NSUN3: variants seen among roughly 807,000 people sequenced by gnomAD.
NSUN3 encodes NOP2/Sun RNA methyltransferase 3, also known as tRNA (cytosine(34)-C(5))-methyltransferase, mitochondrial.
A neutral mutation model predicts 36.8 loss-of-function variants in NSUN3; 24 were observed. That is an observed-to-expected ratio of 0.65 (90% CI 0.47 to 0.92). NSUN3 has a LOEUF of 0.92. Ranked by LOEUF, NSUN3 falls within the 40% of genes least tolerant of loss-of-function variation. The probability of loss-of-function intolerance (pLI) is 0.00; values close to 1 mark genes in which losing one functional copy is unlikely to be tolerated. For synonymous variants in NSUN3, 146 were observed against 145.2 expected (o/e 1.01, Z -0.04); for missense variants, 381 against 392.8 (o/e 0.97, Z 0.25).
intron 3 of NSUN3, among the ~76,000 whole-genome samples, chr3:94,086,257 C>T (rs2077292439): frequency 6.6e-6 from 1 of 152,166 alleles, no homozygotes; most frequent in South Asian, 2.1e-4. Flanking sequence ...TCAGCCAAAA[C>T]ACTGATGTGT....
intron 5 of NSUN3, among the ~76,000 whole-genome samples, chr3:94,122,472 T>C (rs980625117): frequency 6.6e-6 from 1 of 152,122 alleles, no homozygotes; most frequent in South Asian, 2.1e-4. Context: ...TACTGCCCTA[T>C]CCCAAGGATT....
chr3:94,093,422 T>G (rs931338630), intron 3 of NSUN3, among the ~76,000 whole-genome samples: 6 of 152,206 alleles, frequency 3.9e-5, no homozygotes, highest in Non-Finnish European at 7.3e-5. Context: ...GTTCAGTTAG[T>G]TCTCTAGTAT....
intron 4 of NSUN3, among the ~76,000 whole-genome samples, chr3:94,094,809 C>A (rs568153878): frequency 1.3e-5 from 2 of 152,196 alleles, no homozygotes; most frequent in Admixed American, 1.3e-4. Context: ...CCATCCTAAG[C>A]CCCCAAAAAC....
At chr3:94,093,730 T>A (rs921391698) in intron 3 of NSUN3, among the ~76,000 whole-genome samples, 1 of 152,264 alleles carries the variant, frequency 6.6e-6, no homozygotes. Context: ...GAGTTTCATC[T>A]TCTTGCACCT....
intron 5 of NSUN3, among the ~76,000 whole-genome samples, chr3:94,120,649 T>C (rs1275288682): frequency 6.6e-6 from 1 of 152,346 alleles, no homozygotes; most frequent in South Asian, 2.1e-4. Context: ...TGTATCTGTC[T>C]ACACATTTTG....
At position 94,129,299 on chromosome 3, in the gene NSUN3, A is replaced by G. The variant is rs1024806661; in HGVS notation, c.*2809A>G. ...TGAATAAAGGAAATGTGGTACATAT[A>G]CCTCGTGTAATATTACACAGTGATA... On this transcript the variant is annotated 3_prime_UTR_variant, in exon 6 of 6. Coordinates refer to ENST00000314622, the MANE Select transcript of NSUN3 (RefSeq NM_022072.5). Among the ~76,000 whole-genome samples, 2 of 152,220 alleles carry G rather than the reference A, an allele frequency of 1.3e-5. No homozygotes were observed. Among genetic ancestry groups the G allele is most frequent in the Admixed American group, 6.5e-5 (1 of 15,278 alleles).
intron 3 of NSUN3, among the ~76,000 whole-genome samples, chr3:94,086,498 T>C (rs1338953044): frequency 6.6e-6 from 1 of 152,202 alleles, no homozygotes; most frequent in African/African-American, 2.4e-5. Context: ...TTGGTGTGTA[T>C]CCCCAAGGCA....
chr3:94,118,243 A>G (rs1393501088), intron 5 of NSUN3, among the ~76,000 whole-genome samples: 1 of 152,188 alleles, frequency 6.6e-6, no homozygotes, highest in Non-Finnish European at 1.5e-5. Flanking sequence ...TCAATTTTTT[A>G]AAAAGTACTT....
chr3:94,123,529 T>A (rs958232042), intron 5 of NSUN3, among the ~76,000 whole-genome samples: 2 of 152,190 alleles, frequency 1.3e-5, no homozygotes, highest in Non-Finnish European at 2.9e-5. Flanking sequence ...ACCTCTTTGT[T>A]CTTGAAGTTC....
At chr3:94,100,081 A>C (rs1193707624) in intron 5 of NSUN3, among the ~76,000 whole-genome samples, 3 of 152,242 alleles carry the variant, frequency 2.0e-5, no homozygotes, top group Non-Finnish European at 4.4e-5. Context: ...TACAAAGAGC[A>C]ATTGGAATGC....
chr3:94,086,018 A>T (rs898459927), intron 3 of NSUN3, among the ~76,000 whole-genome samples: 1 of 148,404 alleles, frequency 6.7e-6, no homozygotes, highest in African/African-American at 2.5e-5. Context: ...ATATCAGCTC[A>T]CTCCAACCTC....
chr3:94,103,598 A>G (rs2077374448), intron 5 of NSUN3, among the ~76,000 whole-genome samples: 1 of 151,940 alleles, frequency 6.6e-6, no homozygotes, highest in Non-Finnish European at 1.5e-5. Context: ...CTTGGCTGCT[A>G]TAGTATGTAG....
At chr3:94,083,967 C>T (rs949139192) in intron 2 of NSUN3, 140 bp from the exon 3 acceptor site, 2 of 641,786 alleles carry the variant, frequency 3.1e-6, no homozygotes, top group Admixed American at 2.9e-5. Flanking sequence ...AAGGAAGAGT[C>T]AGGAATACTG....
intron 5 of NSUN3, among the ~76,000 whole-genome samples, chr3:94,098,396 C>T (rs2077351984): frequency 6.6e-6 from 1 of 152,176 alleles, no homozygotes; most frequent in Non-Finnish European, 1.5e-5. Flanking sequence ...CAGAGTGACA[C>T]ATCCGAAATG....
intron 5 of NSUN3, among the ~76,000 whole-genome samples, chr3:94,111,631 A>G (rs1223788563): frequency 1.3e-5 from 2 of 151,974 alleles, no homozygotes; most frequent in Non-Finnish European, 2.9e-5. Context: ...ACTAAGATGC[A>G]AACACATACT....
chr3:94,077,918 G>A lies in NSUN3; in HGVS notation c.123-6189G>A, dbSNP rs182543407. ...CTGGATTCATTGATTTTTTTGAAGG[G>A]ATTTTCATGTCTCTATCACCTTCAG... On this transcript the variant is annotated intron_variant, in intron 2 of 5. Coordinates refer to ENST00000314622, the MANE Select transcript of NSUN3 (RefSeq NM_022072.5). Among the ~76,000 whole-genome samples, 19 of 152,122 alleles carry A rather than the reference G, an allele frequency of 1.2e-4. No individual in the cohort carries two copies. In the East Asian group the frequency reaches 1.9e-3, roughly 15 times the overall value.
intron 2 of NSUN3, among the ~76,000 whole-genome samples, chr3:94,069,052 A>G (rs2077215741): frequency 6.6e-6 from 1 of 152,208 alleles, no homozygotes; most frequent in South Asian, 2.1e-4. Context: ...CCTGTGACTT[A>G]AAAGTCCACG....
intron 5 of NSUN3, among the ~76,000 whole-genome samples, chr3:94,105,011 G>T (rs962538604): frequency 6.6e-6 from 1 of 152,148 alleles, no homozygotes; most frequent in Non-Finnish European, 1.5e-5. Flanking sequence ...ACAAAACTGA[G>T]CCAATAAGTA....
intron 2 of NSUN3, among the ~76,000 whole-genome samples, chr3:94,073,198 A>G (rs531400560): frequency 7.5e-4 from 114 of 152,280 alleles, no homozygotes; most frequent in African/African-American, 2.7e-3. Flanking sequence ...TATCCAGTCT[A>G]TCATTGATGG....
Sources: allele counts gnomAD v4.1 joint callset (sites outside exome capture counted in the v4.1 genomes callset), GRCh38; gene constraint gnomAD v4.1.1; transcripts MANE v1.5; gene names NCBI Gene and HGNC (gene_info 2026-07-23, HGNC 2026-07-21).